Variants in TBC1D9 observed in about 807,000 individuals in gnomAD.
TBC1D9 encodes TBC1 domain family member 9A.
A neutral mutation model predicts 132.0 loss-of-function variants in TBC1D9; 63 were observed. The observed-to-expected ratio is 0.48, with a 90% CI of 0.39 to 0.59. The LOEUF (loss-of-function observed/expected upper bound fraction) is 0.59, where lower values mean the gene tolerates loss of function less well. TBC1D9 is among the 20% of genes least tolerant of loss of function. The pLI is 0.00. For synonymous variants in TBC1D9, 610 were observed against 609.9 expected, an observed-to-expected ratio of 1.00 and a Z score of 0.00; for missense variants, 1,261 against 1,592.7, an observed-to-expected ratio of 0.79 and a Z score of 3.54.
intron 16 of TBC1D9, among the ~76,000 whole-genome samples, chr4:140,632,287 T>G (rs1466922058): frequency 4.6e-5 from 7 of 151,986 alleles, no homozygotes; most frequent in Non-Finnish European, 8.8e-5. Context: ...ATATCTCTTT[T>G]GATGGATACC....
Position 140,709,258 on chromosome 4 carries a change from A to T in TBC1D9, c.131-7644T>A, listed in dbSNP as rs79413074. On this transcript the variant is annotated intron_variant, in intron 1 of 20. Transcript: ENST00000442267. Reference sequence around the variant, plus strand: ...CTCTCTCTCTCTCTCTCACACACACACACACACACACACACACACACACAC... The same window carrying T: ...CTCTCTCTCTCTCTCTCACACACACTCACACACACACACACACACACACAC... Among the ~76,000 whole-genome samples, 743 of 127,012 alleles carry T rather than the reference A, an allele frequency of 5.8e-3. 3 individuals are homozygous for T. Among genetic ancestry groups the T allele is most frequent in the Middle Eastern group, 0.012 (3 of 254 alleles). 83.3% of individuals were successfully genotyped at this position (127,012 alleles called of 152,430 possible). A position where few individuals can be genotyped will look rare whatever the true frequency, so the allele number is the denominator to read the frequency against.
intron 1 of TBC1D9, among the ~76,000 whole-genome samples, chr4:140,703,248 T>C (rs1208458180): frequency 1.3e-5 from 2 of 152,212 alleles, no homozygotes; most frequent in South Asian, 2.1e-4. Flanking sequence ...AGGCTTTTCC[T>C]GAAGTTTTGC....
chr4:140,729,097 T>C (rs2111065582), intron 1 of TBC1D9, among the ~76,000 whole-genome samples: 1 of 152,316 alleles, frequency 6.6e-6, no homozygotes, highest in Non-Finnish European at 1.5e-5. Context: ...TTCCTGTTTT[T>C]GGATTTTCCC....
At chr4:140,627,193 T>C (rs886762866) in intron 18 of TBC1D9, among the ~76,000 whole-genome samples, 2 of 152,186 alleles carry the variant, frequency 1.3e-5, no homozygotes, top group Non-Finnish European at 2.9e-5. Flanking sequence ...GGCAGCAAAG[T>C]ATACAGCTCT....
At position 140,687,358 on chromosome 4, in the gene TBC1D9, A is replaced by G. The variant is rs200293521; in HGVS notation, c.242-896T>C. Among the ~76,000 whole-genome samples, 127 of 77,608 alleles carry G rather than the reference A, an allele frequency of 1.6e-3. 2 individuals carry two copies. Among genetic ancestry groups the G allele is most frequent in the Middle Eastern group, 0.013 (2 of 152 alleles). 50.9% of individuals were successfully genotyped at this position (77,608 alleles called of 152,430 possible). A position where few individuals can be genotyped will look rare whatever the true frequency, so the allele number is the denominator to read the frequency against. The stretch of plus-strand genomic sequence containing the variant: ...GTGTGTGTGTCATATATATATATAT[A>G]TATATATATATATATATATATATAT... On this transcript the variant is annotated intron_variant, in intron 2 of 20. Transcript: ENST00000442267.
intron 15 of TBC1D9, among the ~76,000 whole-genome samples, chr4:140,636,121 G>T (rs1242167550): frequency 6.6e-6 from 1 of 152,138 alleles, no homozygotes; most frequent in Non-Finnish European, 1.5e-5. Context: ...ATGCCCTTCA[G>T]ATCATCTCCC....
chr4:140,723,969 C>G (rs909423365), intron 1 of TBC1D9, among the ~76,000 whole-genome samples: 3 of 152,102 alleles, frequency 2.0e-5, no homozygotes, highest in Non-Finnish European at 4.4e-5. Flanking sequence ...TCTCAAGCTG[C>G]TTGCTTCAAG....
At chr4:140,656,842 C>T (rs1378299841) in intron 13 of TBC1D9, among the ~76,000 whole-genome samples, 4 of 152,216 alleles carry the variant, frequency 2.6e-5, no homozygotes, top group Non-Finnish European at 4.4e-5. Flanking sequence ...CATGGGTTCT[C>T]TCTCTTCTGC....
chr4:140,638,732 C>T (rs554927494), intron 15 of TBC1D9, among the ~76,000 whole-genome samples: 1 of 152,210 alleles, frequency 6.6e-6, no homozygotes, highest in East Asian at 1.9e-4. Context: ...TTTATTCTAA[C>T]TACATAAGGG....
At chr4:140,670,234 G>A (rs1737514553) in intron 7 of TBC1D9, among the ~76,000 whole-genome samples, 1 of 152,082 alleles carries the variant, frequency 6.6e-6, no homozygotes, top group Non-Finnish European at 1.5e-5. Flanking sequence ...TACCACCTTC[G>A]AAACATGTTT....
chr4:140,754,758 T>G (rs1461380809), intron 1 of TBC1D9, among the ~76,000 whole-genome samples: 1 of 152,062 alleles, frequency 6.6e-6, no homozygotes, highest in African/African-American at 2.4e-5. Context: ...CTAGTAAGTA[T>G]TTCCAGAATG....
chr4:140,632,892 A>C (rs1198778172), intron 16 of TBC1D9, among the ~76,000 whole-genome samples: 1 of 152,262 alleles, frequency 6.6e-6, no homozygotes, highest in East Asian at 1.9e-4. Context: ...GCTGTTGTTT[A>C]GATTAATATA....
rs1183814325 is a variant in TBC1D9 at position 140,689,073 on chromosome 4, G to T, written c.242-2611C>A. On this transcript the variant is annotated intron_variant, in intron 2 of 20. Coordinates refer to ENST00000442267, the MANE Select transcript of TBC1D9 (RefSeq NM_015130.3). ...AGATGGACTGCACCTCAGGACAGAG[G>T]TACTCCTGGGAACCACAGGACTGAG... Among the ~76,000 whole-genome samples the T allele has an allele frequency of 2.6e-5, 4 of 152,008 alleles. No individual in the cohort carries two copies. The South Asian group carries it at 8.3e-4, about 32-fold the overall frequency.
chr4:140,643,583 C>T (rs1238903675), intron 13 of TBC1D9: 2 of 889,060 alleles, frequency 2.2e-6, no homozygotes, highest in African/African-American at 1.6e-5. Context: ...CGCTCAGGGC[C>T]GCCTGGGCCA....
At chr4:140,627,420 T>A in intron 18 of TBC1D9, 21 bp downstream of exon 18, 1 of 1,494,796 alleles carries the variant, frequency 6.7e-7, no homozygotes. Flanking sequence ...TATAGTATCT[T>A]TGGTGAGAAA....
rs1362930807 is a variant in TBC1D9 at position 140,621,814 on chromosome 4, C to T, written c.*381G>A. On this transcript the variant is annotated 3_prime_UTR_variant, in exon 21 of 21. Coordinates refer to ENST00000442267, the MANE Select transcript of TBC1D9 (RefSeq NM_015130.3). ...ACAGCTCTAATTTTATTTAAAAAGCCTGAATACACAAATGACTGCTGCCTT... is the reference window on the plus strand; with the variant it reads ...ACAGCTCTAATTTTATTTAAAAAGCTTGAATACACAAATGACTGCTGCCTT... The T allele has an allele frequency of 1.3e-5, 2 of 159,302 alleles. No homozygotes were observed. The highest frequency in any genetic ancestry group is 2.7e-5 in the Non-Finnish European group (2 of 73,266). The allele number at this position is 159,302 out of a possible 1,614,324, so 9.9% of individuals were successfully genotyped here. A position where few individuals can be genotyped will look rare whatever the true frequency, so the allele number is the denominator to read the frequency against.
chr4:140,655,413 T>C (rs1254775044), intron 13 of TBC1D9, among the ~76,000 whole-genome samples: 3 of 152,228 alleles, frequency 2.0e-5, no homozygotes, highest in Non-Finnish European at 4.4e-5. Flanking sequence ...AGAGACTTTC[T>C]GATCTCACTC....
rs539135122 is a variant in TBC1D9, at chr4:140,644,675, G to A, written c.2338-5247C>T. On this transcript the variant is annotated intron_variant, in intron 13 of 20. Transcript: ENST00000442267. Reference sequence around the variant, plus strand: ...TCCAGGGCCTGGGCCGCCCGCTGCTGCAGGTACAGGAACTCCTGCAGCTGC... The same window carrying A: ...TCCAGGGCCTGGGCCGCCCGCTGCTACAGGTACAGGAACTCCTGCAGCTGC... 4.5e-4 allele frequency: 188 copies of A among 421,232 alleles called. 1 individual carries two copies. Among genetic ancestry groups the A allele is most frequent in the African/African-American group, 3.6e-3 (169 of 47,588 alleles). 26.1% of individuals were successfully genotyped at this position (421,232 alleles called of 1,614,324 possible).
At chr4:140,669,139 C>G in intron 8 of TBC1D9, 72 bp from the exon 9 acceptor site, 1 of 1,473,042 alleles carries the variant, frequency 6.8e-7, no homozygotes, top group Non-Finnish European at 9.4e-7. Flanking sequence ...GATGGAAGGT[C>G]AGAACATGTT....
Sources: allele counts gnomAD v4.1 joint callset (sites outside exome capture counted in the v4.1 genomes callset), GRCh38; gene constraint gnomAD v4.1.1; transcripts MANE v1.5; gene names NCBI Gene and HGNC (gene_info 2026-07-23, HGNC 2026-07-21).